TANC2: variants seen among roughly 807,000 people sequenced by gnomAD.
The protein encoded by TANC2 is tetratricopeptide repeat, ankyrin repeat and coiled-coil containing 2.
TANC2 carries 26 observed loss-of-function variants against 210.5 expected under a neutral mutation model. That is an observed-to-expected ratio of 0.12 (90% CI 0.09 to 0.17). The LOEUF is 0.17. Among genes scored for constraint, TANC2 ranks in the 10% least tolerant of loss-of-function variants. The pLI is 1.00. For missense variants in TANC2, 2,129 were observed against 2,608.9 expected, an observed-to-expected ratio of 0.82 and a Z score of 4.01; for synonymous variants, 931 against 967.1, an observed-to-expected ratio of 0.96 and a Z score of 0.69.
chr17:62,974,504 A>G (rs2031890230), intron 1 of TANC2, among the ~76,000 whole-genome samples: 1 of 152,164 alleles, frequency 6.6e-6, no homozygotes, highest in Non-Finnish European at 1.5e-5. Flanking sequence ...GTTATGTTGG[A>G]AAAACTGGGG....
chr17:62,988,996 A>T (rs1006676378), intron 1 of TANC2, among the ~76,000 whole-genome samples: 1 of 152,246 alleles, frequency 6.6e-6, no homozygotes, highest in Non-Finnish European at 1.5e-5. Flanking sequence ...ATGCAAAAGC[A>T]TATAGTAAGT....
intron 2 of TANC2, among the ~76,000 whole-genome samples, chr17:63,032,434 A>G (rs779708176): frequency 6.6e-6 from 1 of 152,010 alleles, no homozygotes; most frequent in South Asian, 2.1e-4. Context: ...TTTAAAGGGC[A>G]CTTCCCAGAA....
At chr17:63,328,392 GTGTGTGTGTGTGTGTATTCAT>G (rs1382993612) in intron 11 of TANC2, among the ~76,000 whole-genome samples, 2 of 151,798 alleles carry the variant, frequency 1.3e-5, no homozygotes, top group South Asian at 2.1e-4. Flanking sequence ...GTGTGTGTGT[GTGTGTGTGTGTGTGTATTCAT>G]TGTGTGTGTG....
chr17:63,285,528 C>T (rs983392965), intron 9 of TANC2, among the ~76,000 whole-genome samples: 2 of 152,074 alleles, frequency 1.3e-5, no homozygotes, highest in African/African-American at 4.8e-5. Context: ...CCTGGGAAGA[C>T]TCACAGGACT....
intron 7 of TANC2, among the ~76,000 whole-genome samples, chr17:63,229,284 G>A (rs1426525431): frequency 6.6e-6 from 1 of 152,088 alleles, no homozygotes; most frequent in Admixed American, 6.5e-5. Flanking sequence ...AAGCCAACTT[G>A]ATCGTAGCTA....
chr17:63,127,927 A>G (rs2038770530), intron 4 of TANC2, among the ~76,000 whole-genome samples: 1 of 152,172 alleles, frequency 6.6e-6, no homozygotes, highest in African/African-American at 2.4e-5. Flanking sequence ...TCAGGACAAG[A>G]TGTATATTAG....
At position 63,132,731 on chromosome 17, in the gene TANC2, G is replaced by GA. The variant is rs148589413; in HGVS notation, c.323-18536dup. 3.7e-3 allele frequency among the ~76,000 whole-genome samples: 565 copies of GA among 152,282 alleles called. 7 individuals carry two copies. Among genetic ancestry groups the GA allele is most frequent in the African/African-American group, 0.013 (555 of 41,546 alleles). The stretch of plus-strand genomic sequence containing the variant: ...TTCTGACAAATATTCTAAGGTCAGA[G>GA]AAATATGATTCTTTACTCAGGGTTA... On this transcript the variant is annotated intron_variant, in intron 4 of 27. Coordinates refer to ENST00000689528, the Ensembl canonical transcript of TANC2.
intron 2 of TANC2, 55 bp from the exon 3 acceptor site, chr17:63,073,888 A>C (rs575686039): frequency 7.2e-7 from 1 of 1,382,662 alleles, no homozygotes; most frequent in Non-Finnish European, 1.0e-6. Flanking sequence ...TGTCAGAGAC[A>C]CTGTTATGTC....
intron 9 of TANC2, 85 bp downstream of exon 9, chr17:63,267,958 C>T: frequency 6.9e-7 from 1 of 1,452,488 alleles, no homozygotes; most frequent in South Asian, 1.5e-5. Context: ...CTCCTATTCC[C>T]ATACTTACTT....
At chr17:63,185,461 C>G (rs2040949012) in intron 5 of TANC2, among the ~76,000 whole-genome samples, 2 of 152,192 alleles carry the variant, frequency 1.3e-5, no homozygotes, top group Non-Finnish European at 2.9e-5. Context: ...TCTTTTGATG[C>G]ACCTATTAGT....
In TANC2 at chr17:63,295,308, T is replaced by A. The variant is rs189967759; in HGVS notation, c.1160-19080T>A. ...TTTTTAGAAAATTTTTTAAATAACT[T>A]TTTAAAATGTCAAAGCTTTCTCAGT... On this transcript the variant is annotated intron_variant, in intron 9 of 27. Coordinates refer to ENST00000689528, the Ensembl canonical transcript of TANC2. 2.0e-5 allele frequency among the ~76,000 whole-genome samples: 3 copies of A among 152,356 alleles called. No homozygotes were observed. The East Asian group carries it at 5.8e-4, about 29-fold the overall frequency.
chr17:63,300,541 A>G (rs2044678732), intron 9 of TANC2, among the ~76,000 whole-genome samples: 3 of 152,022 alleles, frequency 2.0e-5, no homozygotes, highest in Admixed American at 2.0e-4. Flanking sequence ...CTTTGTAGTG[A>G]TTGTGAATGG....
chr17:63,260,361 T>C (rs972537309), intron 8 of TANC2, among the ~76,000 whole-genome samples: 11 of 152,264 alleles, frequency 7.2e-5, no homozygotes, highest in African/African-American at 2.7e-4. Context: ...TTAGCTCTGA[T>C]ATAAATGATA....
At chr17:63,368,240 C>G (rs1272534645) in intron 14 of TANC2, among the ~76,000 whole-genome samples, 1 of 152,054 alleles carries the variant, frequency 6.6e-6, no homozygotes, top group East Asian at 1.9e-4. Flanking sequence ...GGAGGAGGGG[C>G]TCTAACATGA....
At chr17:63,031,588 G>A (rs2034772171) in intron 2 of TANC2, among the ~76,000 whole-genome samples, 1 of 151,952 alleles carries the variant, frequency 6.6e-6, no homozygotes, top group Non-Finnish European at 1.5e-5. Context: ...TTTCCTTTCT[G>A]TTAAGCTTCC....
chr17:63,355,283 C>A (rs374748633), exon 14 of TANC2: 155 of 1,613,094 alleles, frequency 9.6e-5, no homozygotes, highest in Non-Finnish European at 1.3e-4. Flanking sequence ...TCTCCATGTT[C>A]CTAATCAAGC....
chr17:63,020,434 G>T (rs1262739658), intron 2 of TANC2, among the ~76,000 whole-genome samples: 2 of 152,102 alleles, frequency 1.3e-5, no homozygotes, highest in African/African-American at 2.4e-5. Context: ...CTCCTGAGTA[G>T]CTGGGACTGC....
At chr17:62,969,122 C>A (rs2031537493) in intron 1 of TANC2, among the ~76,000 whole-genome samples, 1 of 151,338 alleles carries the variant, frequency 6.6e-6, no homozygotes, top group South Asian at 2.1e-4. Flanking sequence ...CAGTTTAAGC[C>A]CATGTTGTTC....
intron 15 of TANC2, among the ~76,000 whole-genome samples, chr17:63,385,148 A>G (rs1277352305): frequency 2.6e-5 from 4 of 152,220 alleles, no homozygotes; most frequent in Admixed American, 2.6e-4. Flanking sequence ...AGAACCTGAC[A>G]CATTGTAGAT....
Sources: allele counts gnomAD v4.1 joint callset (sites outside exome capture counted in the v4.1 genomes callset), GRCh38; gene constraint gnomAD v4.1.1; transcripts MANE v1.5; gene names NCBI Gene and HGNC (gene_info 2026-07-23, HGNC 2026-07-21).